Variants in FRMPD1 observed in about 807,000 individuals in gnomAD.
FRMPD1 encodes the protein FERM and PDZ domain-containing protein 1.
FRMPD1 carries 76 observed loss-of-function variants against 117.8 expected under a neutral mutation model. The observed-to-expected ratio is 0.65, with a 90% CI of 0.54 to 0.78. FRMPD1 has a LOEUF of 0.78. Among genes scored for constraint, FRMPD1 ranks in the 30% least tolerant of loss-of-function variants. The pLI, the probability that FRMPD1 is intolerant of heterozygous loss-of-function variation, is 0.00. For synonymous variants in FRMPD1, 783 were observed against 770.4 expected (o/e 1.02, Z -0.27); for missense variants, 1,786 against 1,964.5 (o/e 0.91, Z 1.72).
chr9:37,610,344 C>T, the FRMPD1 span, among the ~76,000 whole-genome samples: 1 of 152,138 alleles, frequency 6.6e-6, no homozygotes, highest in African/African-American at 2.4e-5. Context: ...GTGGCCAGAA[C>T]AGTGTCTAGC....
intron 8 of FRMPD1, 44 bp downstream of exon 8, chr9:37,729,897 C>T: frequency 6.3e-7 from 1 of 1,599,208 alleles, no homozygotes; most frequent in Non-Finnish European, 8.5e-7. Context: ...ATGGGCTGGG[C>T]TGGCTGCATA....
intron 1 of FRMPD1, among the ~76,000 whole-genome samples, chr9:37,656,526 C>A (rs1820848891): frequency 6.6e-6 from 1 of 152,146 alleles, no homozygotes; most frequent in South Asian, 2.1e-4. Flanking sequence ...CACTTAACAC[C>A]AATCAATGTA....
At chr9:37,628,064 AC>A in the FRMPD1 span, among the ~76,000 whole-genome samples, 1 of 152,194 alleles carries the variant, frequency 6.6e-6, no homozygotes, top group East Asian at 1.9e-4. Flanking sequence ...GTACTGGCAG[AC>A]CCCAGTTACT....
the FRMPD1 span, among the ~76,000 whole-genome samples, chr9:37,616,538 C>T: frequency 6.6e-6 from 1 of 152,206 alleles, no homozygotes; most frequent in Non-Finnish European, 1.5e-5. Flanking sequence ...AGGGCACTTT[C>T]TGTTGCATCC....
At chr9:37,726,926 G>T (rs926996847) in intron 7 of FRMPD1, among the ~76,000 whole-genome samples, 1 of 152,118 alleles carries the variant, frequency 6.6e-6, no homozygotes, top group Non-Finnish European at 1.5e-5. Context: ...GCCTCTGGGG[G>T]AGTGGAGTGG....
the FRMPD1 span, among the ~76,000 whole-genome samples, chr9:37,614,572 C>G: frequency 6.6e-3 from 1,005 of 152,322 alleles, 10 homozygotes; most frequent in African/African-American, 0.023. Context: ...TGGGGCATTA[C>G]CTTAATGAAG....
the FRMPD1 span, among the ~76,000 whole-genome samples, chr9:37,637,974 T>A: frequency 9.8e-6 from 1 of 101,840 alleles, no homozygotes; most frequent in Non-Finnish European, 2.0e-5. Context: ...CTTTCTTTCT[T>A]TCTTTCTTTC....
intron 7 of FRMPD1, among the ~76,000 whole-genome samples, chr9:37,728,962 C>CAAAAAA (rs34287255): frequency 9.1e-6 from 1 of 109,592 alleles, no homozygotes; most frequent in African/African-American, 3.6e-5. Flanking sequence ...GATTCCGTCT[C>CAAAAAA]AAAAAAAAAA....
chr9:37,616,117 C>CG, the FRMPD1 span, among the ~76,000 whole-genome samples: 1 of 96,770 alleles, frequency 1.0e-5, no homozygotes. Flanking sequence ...GTGCCCAGCC[C>CG]TTTTTTTTTT....
At chr9:37,686,473 G>A (rs988558089) in intron 1 of FRMPD1, among the ~76,000 whole-genome samples, 5 of 152,296 alleles carry the variant, frequency 3.3e-5, no homozygotes, top group African/African-American at 1.2e-4. Context: ...CCTTCCATTA[G>A]CCCAGCAATC....
chr9:37,733,406 TA>T, intron 10 of FRMPD1, 66 bp from the exon 11 acceptor site: 1 of 1,467,164 alleles, frequency 6.8e-7, no homozygotes. Flanking sequence ...CAAATGTAAT[TA>T]TGCTCTTCAT....
At chr9:37,648,612 CAT>C (rs1244391660), upstream of FRMPD1, among the ~76,000 whole-genome samples, 2 of 152,118 alleles carry the variant, frequency 1.3e-5, no homozygotes, top group South Asian at 2.1e-4. Flanking sequence ...GGGGAGGAGA[CAT>C]GTGTAAGAGA....
In FRMPD1 at chr9:37,699,469, G is replaced by A. The variant is rs186551071; in HGVS notation, c.101+6727G>A. Among the ~76,000 whole-genome samples, 279 of 151,678 alleles carry A rather than the reference G, an allele frequency of 1.8e-3. 1 individual carries two copies. The highest frequency in any genetic ancestry group is 6.5e-3 in the African/African-American group (267 of 41,330). ...TGAGTAGCTGGAATTACAGGCATGC[G>A]CCACCACGCCTAGCTAATTTTTGTA... On this transcript the variant is annotated intron_variant, in intron 2 of 15. Transcript: ENST00000377765.
the FRMPD1 span, among the ~76,000 whole-genome samples, chr9:37,605,152 C>T: frequency 1.3e-5 from 2 of 152,190 alleles, no homozygotes; most frequent in Admixed American, 6.5e-5. Context: ...TCTGTGCTTC[C>T]AGTACCCAGC....
chr9:37,717,293 GA>G (rs1214541881), intron 5 of FRMPD1, among the ~76,000 whole-genome samples: 154 of 135,646 alleles, frequency 1.1e-3, no homozygotes, highest in Middle Eastern at 7.4e-3. Context: ...ATTTTGCCGA[GA>G]AAAAAAAAAT....
At chr9:37,670,070 G>A (rs952923189) in intron 1 of FRMPD1, 3 of 150,792 alleles carry the variant, frequency 2.0e-5, no homozygotes, top group Non-Finnish European at 4.4e-5. Flanking sequence ...AGAAAAAAAC[G>A]TCTCAACCAC....
the FRMPD1 span, among the ~76,000 whole-genome samples, chr9:37,616,985 A>C: frequency 2.0e-5 from 3 of 152,164 alleles, no homozygotes; most frequent in African/African-American, 7.2e-5. Flanking sequence ...ATGTACAAGG[A>C]CCCATTCTTA....
At chr9:37,647,643 A>G (rs1824166741), upstream of FRMPD1, among the ~76,000 whole-genome samples, 1 of 152,228 alleles carries the variant, frequency 6.6e-6, no homozygotes, top group South Asian at 2.1e-4. Flanking sequence ...GAAGGCAAAA[A>G]TAAATAAGAC....
rs202015898 is a variant in FRMPD1 at position 37,733,710 on chromosome 9, GT to G, written c.1123-11del. Reference sequence around the variant, plus strand: ...CCAATGAATAACTCTGACTTCAAGTGTTTTTTTTTCTCTATTAAGCAACTTA... The same window carrying G: ...CCAATGAATAACTCTGACTTCAAGTGTTTTTTTTCTCTATTAAGCAACTTA... On this transcript the variant is annotated intron_variant, in intron 11 of 15. Coordinates refer to ENST00000377765, the MANE Select transcript of FRMPD1 (RefSeq NM_014907.3). 363 of 1,531,218 alleles carry G rather than the reference GT, an allele frequency of 2.4e-4. 2 individuals carry two copies. The highest frequency in any genetic ancestry group is 9.1e-4 in the South Asian group (80 of 87,918). The allele number at this position is 1,531,218 out of a possible 1,614,324, so 94.9% of individuals were successfully genotyped here.
Sources: allele counts gnomAD v4.1 joint callset (sites outside exome capture counted in the v4.1 genomes callset), GRCh38; gene constraint gnomAD v4.1.1; transcripts MANE v1.5; gene names NCBI Gene and HGNC (gene_info 2026-07-23, HGNC 2026-07-21).